TONSL: variants seen among roughly 807,000 people sequenced by gnomAD.
The protein encoded by TONSL is tonsoku like, DNA repair protein.
Under a neutral mutation model 147.1 loss-of-function variants are expected in TONSL, and 112 were observed. The ratio of observed to expected loss-of-function variants is 0.76; its 90% CI spans 0.65 to 0.89. The LOEUF (loss-of-function observed/expected upper bound fraction) is 0.89, where lower values mean the gene tolerates loss of function less well. Among genes scored for constraint, TONSL ranks in the 40% least tolerant of loss-of-function variants. TONSL has a pLI of 0.00. For missense variants in TONSL, 1,883 were observed against 1,864.6 expected, an observed-to-expected ratio of 1.01 and a Z score of -0.18; for synonymous variants, 868 against 801.5, an observed-to-expected ratio of 1.08 and a Z score of -1.40.
At position 144,436,332 on chromosome 8, in the gene TONSL, G is replaced by T; in HGVS notation, c.2101C>A (p.Pro701Thr). 6.7e-7 allele frequency: 1 copy of T among 1,502,906 alleles called. No individual in the cohort carries two copies. Among genetic ancestry groups the T allele is most frequent in the Non-Finnish European group, 8.8e-7 (1 of 1,133,192 alleles). 93.1% of individuals were successfully genotyped at this position (1,502,906 alleles called of 1,614,324 possible). ...TSPPLSPCPE[P>T]PSNSTRLPEA... ...GGGAGTCTAGTGCTATTAGAGGGGG[G>T]TTCTGGGCAGGGGCTCAAAGGAGGA... Residue 701 changes from proline (P) to threonine (T), a missense_variant, in exon 17 of 26, where the codon CCC (proline) becomes ACC (threonine). Physicochemically the swap from Pro to Thr is conservative, Grantham distance 38. Coordinates refer to ENST00000409379, the MANE Select transcript of TONSL (RefSeq NM_013432.5).
chr8:144,440,690 G>C, intron 9 of TONSL, 28 bp downstream of exon 9: 1 of 1,602,166 alleles, frequency 6.2e-7, no homozygotes, highest in Non-Finnish European at 8.5e-7. Context: ...GGGTGAACCT[G>C]CATTCGGGCG....
intron 11 of TONSL, 83 bp from the exon 12 acceptor site, chr8:144,438,818 C>A (rs1823584480): frequency 1.4e-6 from 2 of 1,426,430 alleles, no homozygotes; most frequent in Non-Finnish European, 1.9e-6. Flanking sequence ...GCTCCCCAAA[C>A]TCCCAGGTAC....
chr8:144,436,614 G>A lies in TONSL; in HGVS notation c.1958C>T (p.Thr653Met), dbSNP rs755055463. ...KLYRRDLDLE[T>M]RQKARAMEML... ...CTCCATGGCCCTGGCCTTCTGCCGC[G>A]TCTCCAGGTCCAGGTCCCTGCGGTA... The change falls in exon 16 of 26, where the codon ACG becomes ATG. Residue 653 changes from threonine to methionine, a missense_variant. Coordinates refer to ENST00000409379, the MANE Select transcript of TONSL (RefSeq NM_013432.5). 27 of 1,611,812 alleles carry A rather than the reference G, an allele frequency of 1.7e-5. No homozygotes were observed. Among genetic ancestry groups the A allele is most frequent in the Non-Finnish European group, 2.1e-5 (25 of 1,179,958 alleles).
chr8:144,441,595 A>G (rs565475563), intron 7 of TONSL: 119 of 188,968 alleles, frequency 6.3e-4, no homozygotes, highest in African/African-American at 2.6e-3. Context: ...CCGTCTCAAG[A>G]AAAAAAAACA....
Position 144,438,704 on chromosome 8 carries a change from C to T in TONSL, c.1512G>A (p.Leu504=), listed in dbSNP as rs1402316039. The T allele has an allele frequency of 6.2e-7, 1 of 1,613,180 alleles. No homozygotes were observed. Among genetic ancestry groups the T allele is most frequent in the African/African-American group, 1.3e-5 (1 of 74,904 alleles). The change falls in exon 12 of 26, where the codon CTG becomes CTA. Residue 504 remains leucine, a synonymous_variant. Coordinates refer to ENST00000409379, the MANE Select transcript of TONSL (RefSeq NM_013432.5). ...GGCCCTGAAGCTCCTCGTCCTCCTC[C>T]AGCTGCGGGGTCAGGCCATCGGTGT... ...EDDTDGLTPQ[L]EEDEELQGHL...
chr8:144,441,803 G>C, intron 7 of TONSL: 2 of 476,810 alleles, frequency 4.2e-6, no homozygotes, highest in Non-Finnish European at 3.7e-6. Context: ...TCTCCTGGCC[G>C]CCCTTTCATT....
chr8:144,431,548 T>C (rs1365346309), intron 23 of TONSL, among the ~76,000 whole-genome samples: 9 of 151,882 alleles, frequency 5.9e-5, no homozygotes, highest in East Asian at 1.9e-4. Context: ...AGAGTCTCGC[T>C]CTGTCGCCCA....
Position 144,434,824 on chromosome 8 carries a change from C to G in TONSL, c.3072G>C (p.Gln1024His). The G allele has an allele frequency of 6.2e-7, 1 of 1,613,516 alleles. No individual in the cohort carries two copies. ...PLTDRYRRACQSLGQGEHQQV... is the reference protein window; with the variant it reads ...PLTDRYRRACHSLGQGEHQQV... ...CCTGGCCCTCACCTTGCCCCAGGCT[C>G]TGGCAGGCCCTGCGGTAGCGGTCAG... Residue 1024 changes from glutamine to histidine, a missense_variant, in exon 20 of 26, where the codon CAG becomes CAC. Gln to His is a conservative substitution (Grantham distance 24). Coordinates refer to ENST00000409379, the MANE Select transcript of TONSL (RefSeq NM_013432.5).
At position 144,432,433 on chromosome 8, in the gene TONSL, A is replaced by C. The variant is rs547174750; in HGVS notation, c.3587T>G (p.Leu1196Arg). 3 of 1,571,282 alleles carry C rather than the reference A, an allele frequency of 1.9e-6. No homozygotes were observed. Among genetic ancestry groups the C allele is most frequent in the Non-Finnish European group, 2.6e-6 (3 of 1,161,680 alleles). ...QDAEHLKTLS[L>R]SYNALGAPAL... ...AGGGGCTCCCAGGGCGTTGTAGGAC[A>C]GGGACAGGGTCTTCAGGTGCTCAGC... Residue 1196 changes from leucine to arginine, a missense_variant, in exon 23 of 26, where the codon CTG becomes CGG. Physicochemically the swap from Leu to Arg is moderately radical, Grantham distance 102 (BLOSUM62 -2). Coordinates refer to ENST00000409379, the MANE Select transcript of TONSL (RefSeq NM_013432.5).
In TONSL at chr8:144,434,166, T is replaced by C; in HGVS notation, c.3199A>G (p.Lys1067Glu). 2 of 1,608,812 alleles carry C rather than the reference T, an allele frequency of 1.2e-6. No homozygotes were observed. Among genetic ancestry groups the C allele is most frequent in the South Asian group, 1.1e-5 (1 of 90,754 alleles). ...AGCTCCCGGAGTGCTGTGTGCAGCT[T>C]GAGGGCCCGCAGCAGGGGTGTAAGC... is the stretch of plus-strand genomic sequence containing the variant. ...AQLTPLLRAL[K>E]LHTALRELRL... is the part of the protein sequence containing the mutation. Residue 1067 changes from lysine (K) to glutamate (E), a missense_variant, in exon 21 of 26, where the codon AAG (lysine) becomes GAG (glutamate). Transcript: ENST00000409379.
At chr8:144,438,902 G>A (rs1055090350) in intron 11 of TONSL, 167 bp from the exon 12 acceptor site, 12 of 686,018 alleles carry the variant, frequency 1.7e-5, no homozygotes, top group South Asian at 3.4e-5. Context: ...TGGTCCCAGC[G>A]CTGCCTCCAT....
Position 144,438,660 on chromosome 8 carries a change from C to T in TONSL, c.1556G>A (p.Gly519Glu). 1.9e-6 allele frequency: 3 copies of T among 1,613,164 alleles called. No homozygotes were observed. The highest frequency in any genetic ancestry group is 1.7e-6 in the Non-Finnish European group (2 of 1,179,954). Residue 519 changes from glycine to glutamate, a missense_variant, in exon 12 of 26, where the codon GGG becomes GAG. By Grantham distance (98) the Gly-to-Glu change is moderately conservative (BLOSUM62 -2). Coordinates refer to ENST00000409379, the MANE Select transcript of TONSL (RefSeq NM_013432.5). ...ELQGHLGRRK[G>E]SKWNRRNDMG... ...GCAGGGCACTGTCCTCACCTTGCTC[C>T]CCTTCCGCCGGCCCAGGTGGCCCTG...
chr8:144,429,411 G>A (rs3862193), intron 25 of TONSL, 75 bp from the exon 26 acceptor site: 680,741 of 1,312,532 alleles, frequency 0.52, 178,015 homozygotes, highest in Middle Eastern at 0.62. Context: ...AGGCTCCAGG[G>A]AACAAACTCG....
chr8:144,438,224 A>G, intron 13 of TONSL: 1 of 565,636 alleles, frequency 1.8e-6, no homozygotes, highest in Non-Finnish European at 3.2e-6. Context: ...TTTTTTTGAA[A>G]CAGGGTCTCA....
chr8:144,440,542 C>T, intron 9 of TONSL, 66 bp from the exon 10 acceptor site: 2 of 1,536,732 alleles, frequency 1.3e-6, no homozygotes, highest in South Asian at 2.5e-5. Flanking sequence ...CCCAGTCAAG[C>T]TTCCCCGGCT....
At chr8:144,443,736 T>C in intron 3 of TONSL, 146 bp downstream of exon 3, 2 of 1,169,132 alleles carry the variant, frequency 1.7e-6, no homozygotes, top group Non-Finnish European at 2.4e-6. Flanking sequence ...ACCGGAGGAC[T>C]GGCCCGGGGC....
rs755618655 is a variant in TONSL, at chr8:144,442,679, C to A, written c.576G>T (p.Ala192=). The change falls in exon 5 of 26, where the codon GCG becomes GCT. Residue 192 remains alanine, a splice_region_variant and synonymous_variant. Transcript: ENST00000409379. ...NDYFRKSIFL[A]EQNHLYEDLF... ...CCTGGGGCGGGGCAGGGCCTTACTC[C>A]GCAAGGAAGATGCTCTTCCTGAAGT... The A allele has an allele frequency of 8.1e-6, 13 of 1,612,328 alleles. No homozygotes were observed. Among genetic ancestry groups the A allele is most frequent in the Non-Finnish European group, 1.1e-5 (13 of 1,179,740 alleles).
chr8:144,442,926 G>A, intron 4 of TONSL, 120 bp from the exon 5 acceptor site: 1 of 1,383,798 alleles, frequency 7.2e-7, no homozygotes, highest in Non-Finnish European at 9.6e-7. Context: ...CGAGGTGGGT[G>A]CAAGTGTCCT....
Position 144,440,432 on chromosome 8 carries a change from G to A in TONSL, c.1209C>T (p.Ala403=), listed in dbSNP as rs749738960. ...GGGCCAGCAGCTCGTAGGCATCGCCGGCCTCCTCGCGGGACAGTGCAATGT... is the reference window on the plus strand; with the variant it reads ...GGGCCAGCAGCTCGTAGGCATCGCCAGCCTCCTCGCGGGACAGTGCAATGT... ...WLNIALSREE[A]GDAYELLAPC... is the part of the protein sequence containing the mutation. The change falls in exon 10 of 26, where the codon GCC becomes GCT. Residue 403 remains alanine, a synonymous_variant. Transcript: ENST00000409379. 4.4e-5 allele frequency: 70 copies of A among 1,608,580 alleles called. No individual in the cohort carries two copies. The highest frequency in any genetic ancestry group is 8.4e-5 in the Admixed American group (5 of 59,856).
Sources: gnomAD v4.1 joint callset for allele counts (sites outside exome capture counted in the v4.1 genomes callset) on GRCh38, gnomAD v4.1.1 for gene constraint, MANE v1.5 for transcripts, NCBI Gene and HGNC (gene_info 2026-07-23, HGNC 2026-07-21) for gene names.